The following SGCZ variants were observed in gnomAD, a reference collection of about 807,000 sequenced individuals.
SGCZ encodes the protein zeta-sarcoglycan.
Under a neutral mutation model 41.3 loss-of-function variants are expected in SGCZ, and 40 were observed. The observed-to-expected ratio is 0.97, with a 90% CI of 0.75 to 1.26. SGCZ has a LOEUF of 1.26. Among genes scored for constraint, SGCZ ranks in the 50% most tolerant of loss-of-function variants. SGCZ has a pLI of 0.00. For missense variants in SGCZ, 552 were observed against 369.8 expected, an observed-to-expected ratio of 1.49 and a Z score of -4.04; for synonymous variants, 206 against 137.5, an observed-to-expected ratio of 1.50 and a Z score of -3.49.
chr8:14,106,860 G>A (rs1169154583), intron 6 of SGCZ, among the ~76,000 whole-genome samples: 3 of 152,152 alleles, frequency 2.0e-5, no homozygotes, highest in East Asian at 1.9e-4. Context: ...ATTTCAGAAT[G>A]TAATTTAGCT....
chr8:14,470,427 C>A (rs1180184148), intron 2 of SGCZ, among the ~76,000 whole-genome samples: 2 of 151,998 alleles, frequency 1.3e-5, no homozygotes, highest in East Asian at 3.9e-4. Context: ...TTATTAATTT[C>A]ATTTTAATTA....
At chr8:14,285,645 T>C (rs1800595009) in intron 3 of SGCZ, among the ~76,000 whole-genome samples, 1 of 152,090 alleles carries the variant, frequency 6.6e-6, no homozygotes, top group South Asian at 2.1e-4. Flanking sequence ...TTGATATTTA[T>C]AAGAGAGGAA....
intron 2 of SGCZ, among the ~76,000 whole-genome samples, chr8:14,540,522 C>T (rs796937835): frequency 3.3e-5 from 5 of 151,528 alleles, no homozygotes; most frequent in African/African-American, 1.2e-4. Context: ...CACTGATTCC[C>T]AGATTTTGGG....
At chr8:14,484,287 A>G (rs528566925) in intron 2 of SGCZ, among the ~76,000 whole-genome samples, 1 of 152,282 alleles carries the variant, frequency 6.6e-6, no homozygotes, top group Admixed American at 6.5e-5. Flanking sequence ...ATAAACTTTC[A>G]TGAATATATC....
intron 5 of SGCZ, among the ~76,000 whole-genome samples, chr8:14,136,320 T>A (rs1317335945): frequency 1.3e-5 from 2 of 152,036 alleles, no homozygotes. Flanking sequence ...GTGCAGCCCA[T>A]GAAGTGTGAG....
intron 1 of SGCZ, among the ~76,000 whole-genome samples, chr8:14,607,803 A>G (rs1805800581): frequency 6.7e-6 from 1 of 148,660 alleles, no homozygotes; most frequent in Non-Finnish European, 1.5e-5. Context: ...ATGGAAGCAC[A>G]TATATGATCT....
chr8:14,863,152 G>A (rs962040617), intron 1 of SGCZ, among the ~76,000 whole-genome samples: 1 of 152,062 alleles, frequency 6.6e-6, no homozygotes, highest in African/African-American at 2.4e-5. Context: ...GCAGTGCAGG[G>A]CTTCCAGCCT....
chr8:14,207,669 G>T (rs1453452666), intron 4 of SGCZ, among the ~76,000 whole-genome samples: 1 of 151,918 alleles, frequency 6.6e-6, no homozygotes, highest in Non-Finnish European at 1.5e-5. Flanking sequence ...GAAAACTAGA[G>T]GACAAAGTAT....
At chr8:14,542,128 T>C (rs965515945) in intron 2 of SGCZ, among the ~76,000 whole-genome samples, 5 of 152,140 alleles carry the variant, frequency 3.3e-5, no homozygotes, top group African/African-American at 1.2e-4. Context: ...AGAAGCTCTT[T>C]AGTTTAATTA....
intron 1 of SGCZ, among the ~76,000 whole-genome samples, chr8:14,947,153 T>C (rs1585403021): frequency 1.3e-5 from 2 of 152,166 alleles, no homozygotes; most frequent in East Asian, 3.9e-4. Flanking sequence ...ATCATACAAG[T>C]GATAGTGTGA....
chr8:14,715,926 T>A (rs1035080184), intron 1 of SGCZ, among the ~76,000 whole-genome samples: 12 of 152,054 alleles, frequency 7.9e-5, no homozygotes, highest in African/African-American at 2.4e-4. Flanking sequence ...AATAAAGATA[T>A]CAGTATATAC....
intron 1 of SGCZ, among the ~76,000 whole-genome samples, chr8:15,167,847 C>A (rs151189236): frequency 6.6e-6 from 1 of 152,154 alleles, no homozygotes; most frequent in African/African-American, 2.4e-5. Context: ...AGAAAGAACA[C>A]GAGGGATGGG....
chr8:15,087,318 C>T (rs1312100438), intron 1 of SGCZ, among the ~76,000 whole-genome samples: 1 of 152,052 alleles, frequency 6.6e-6, no homozygotes, highest in Non-Finnish European at 1.5e-5. Flanking sequence ...TGATGTGTGA[C>T]TTTTCTAGTA....
intron 2 of SGCZ, among the ~76,000 whole-genome samples, chr8:14,500,834 T>C (rs568171911): frequency 6.6e-6 from 1 of 152,134 alleles, no homozygotes; most frequent in Admixed American, 6.6e-5. Context: ...TTTTCTGGTT[T>C]TCATATGTAA....
chr8:15,015,309 T>C (rs1245146115), intron 1 of SGCZ, among the ~76,000 whole-genome samples: 1 of 152,090 alleles, frequency 6.6e-6, no homozygotes, highest in Non-Finnish European at 1.5e-5. Context: ...GAAATCTTCT[T>C]TGCATCAATT....
At chr8:14,253,990 A>G (rs1468286235) in intron 3 of SGCZ, among the ~76,000 whole-genome samples, 2 of 152,188 alleles carry the variant, frequency 1.3e-5, no homozygotes, top group African/African-American at 4.8e-5. Context: ...AAACATACAG[A>G]AAGAAAAACA....
intron 1 of SGCZ, among the ~76,000 whole-genome samples, chr8:14,913,477 G>T (rs954809378): frequency 2.6e-5 from 4 of 151,986 alleles, no homozygotes; most frequent in African/African-American, 9.7e-5. Flanking sequence ...GCAATAATTT[G>T]TTTAAAGCAT....
intron 2 of SGCZ, among the ~76,000 whole-genome samples, chr8:14,494,344 G>C (rs774545076): frequency 3.3e-5 from 5 of 152,118 alleles, no homozygotes; most frequent in Admixed American, 1.3e-4. Context: ...GCTCAGCCCG[G>C]CTACTGTTTT....
chr8:14,679,842 G>A (rs79447451), intron 1 of SGCZ, among the ~76,000 whole-genome samples: 20 of 151,354 alleles, frequency 1.3e-4, no homozygotes, highest in African/African-American at 4.4e-4. Context: ...CTATACAGAT[G>A]TTTTCTTTGA....
Sources: allele counts gnomAD v4.1 joint callset (sites outside exome capture counted in the v4.1 genomes callset), GRCh38; gene constraint gnomAD v4.1.1; transcripts MANE v1.5; gene names NCBI Gene and HGNC (gene_info 2026-07-23, HGNC 2026-07-21).